Variants in CSMD1 observed in about 807,000 individuals in gnomAD.
CSMD1 encodes CUB and Sushi multiple domains 1, also known as CUB and sushi domain-containing protein 1.
In CSMD1, 213 loss-of-function variants were observed where a neutral mutation model predicts 417.5. That is an observed-to-expected ratio of 0.51 (90% CI 0.46 to 0.57). The LOEUF is 0.57. Ranked by LOEUF, CSMD1 falls within the 20% of genes least tolerant of loss-of-function variation. CSMD1 has a pLI of 0.00. For missense variants in CSMD1, 6,923 were observed against 4,529.7 expected, an observed-to-expected ratio of 1.53 and a Z score of -15.17; for synonymous variants, 2,862 against 1,736.8, an observed-to-expected ratio of 1.65 and a Z score of -16.11.
chr8:3,560,183 G>C (rs1356194698), intron 10 of CSMD1, among the ~76,000 whole-genome samples: 1 of 152,114 alleles, frequency 6.6e-6, no homozygotes, highest in Non-Finnish European at 1.5e-5. Context: ...AAGAGCCCTT[G>C]AAATAATGGA....
intron 52 of CSMD1, among the ~76,000 whole-genome samples, chr8:3,014,559 C>G (rs887498276): frequency 6.6e-6 from 1 of 152,096 alleles, no homozygotes; most frequent in African/African-American, 2.4e-5. Flanking sequence ...TTCTCCTGGG[C>G]AGGAGACACA....
At chr8:3,114,491 G>A (rs531261619) in intron 42 of CSMD1, among the ~76,000 whole-genome samples, 38 of 150,580 alleles carry the variant, frequency 2.5e-4, no homozygotes, top group Middle Eastern at 3.5e-3. Context: ...TCAATATATC[G>A]AAGATACTGA....
intron 6 of CSMD1, among the ~76,000 whole-genome samples, chr8:3,726,985 T>C (rs1321767946): frequency 1.3e-5 from 2 of 152,190 alleles, no homozygotes; most frequent in Non-Finnish European, 2.9e-5. Context: ...ATACCACCAG[T>C]AAACACTGTG....
chr8:4,346,190 A>G (rs1383138020), intron 3 of CSMD1, among the ~76,000 whole-genome samples: 1 of 152,158 alleles, frequency 6.6e-6, no homozygotes, highest in Non-Finnish European at 1.5e-5. Flanking sequence ...TGGCCTGCTA[A>G]TTTATCTGGA....
chr8:3,887,746 A>G (rs933739107), intron 5 of CSMD1, among the ~76,000 whole-genome samples: 1 of 152,234 alleles, frequency 6.6e-6, no homozygotes, highest in Non-Finnish European at 1.5e-5. Flanking sequence ...AAAAACTCAG[A>G]TTACTGTAAT....
chr8:4,720,070 C>G (rs1275851380), intron 1 of CSMD1, among the ~76,000 whole-genome samples: 1 of 151,814 alleles, frequency 6.6e-6, no homozygotes, highest in Non-Finnish European at 1.5e-5. Context: ...GAGGCTTTTT[C>G]TAAATGAAAT....
Position 2,998,116 on chromosome 8 carries a change from C to T in CSMD1, c.8272G>A (p.Asp2758Asn), listed in dbSNP as rs886418688. The change falls in exon 54 of 70, where the codon GAT becomes AAT. Residue 2758 changes from aspartate to asparagine, a missense_variant. Coordinates refer to ENST00000635120, the MANE Select transcript of CSMD1 (RefSeq NM_033225.6). ...GTGTTGCAGGTGAAATTCACGACAT[C>T]ATTCAGGTTGAACTCACTGCCATTA... is the stretch of plus-strand genomic sequence containing the variant. ...FTNGSEFNLN[D>N]VVNFTCNTGY... The T allele has an allele frequency of 6.2e-7, 1 of 1,614,044 alleles. No homozygotes were observed. Among genetic ancestry groups the T allele is most frequent in the African/African-American group, 1.3e-5 (1 of 75,062 alleles).
At chr8:4,189,752 A>C (rs1169180974) in intron 3 of CSMD1, among the ~76,000 whole-genome samples, 1 of 152,168 alleles carries the variant, frequency 6.6e-6, no homozygotes, top group Non-Finnish European at 1.5e-5. Context: ...AAATCTTGAT[A>C]AATTATGAAG....
At chr8:4,960,097 A>G (rs1809379521) in intron 1 of CSMD1, among the ~76,000 whole-genome samples, 1 of 152,168 alleles carries the variant, frequency 6.6e-6, no homozygotes, top group Non-Finnish European at 1.5e-5. Context: ...TTGCCAAATA[A>G]TGAATACATT....
rs970870227 is a variant in CSMD1 at position 3,480,265 on chromosome 8, G to C, written c.1449-11441C>G. ...TAGTCCCTACTACTCAGGAGGTTGA[G>C]GCAGAAGAATTGCTTGAACCCAGGA... On this transcript the variant is annotated intron_variant, in intron 11 of 69. Coordinates refer to ENST00000635120, the MANE Select transcript of CSMD1 (RefSeq NM_033225.6). Among the ~76,000 whole-genome samples, 90 of 152,176 alleles carry C rather than the reference G, an allele frequency of 5.9e-4. 2 individuals are homozygous for C. Among genetic ancestry groups the C allele is most frequent in the Non-Finnish European group, 2.2e-4 (15 of 68,046 alleles).
chr8:3,243,392 G>C (rs945503253), intron 26 of CSMD1, among the ~76,000 whole-genome samples: 3 of 151,944 alleles, frequency 2.0e-5, no homozygotes, highest in Non-Finnish European at 4.4e-5. Flanking sequence ...TTTCACCTGG[G>C]TGCAGGTGGG....
chr8:3,231,559 T>C (rs1019215483), intron 26 of CSMD1, among the ~76,000 whole-genome samples: 13 of 152,160 alleles, frequency 8.5e-5, no homozygotes, highest in Non-Finnish European at 1.9e-4. Flanking sequence ...ATAAAATCCA[T>C]TTAAATAAAA....
In CSMD1 at chr8:3,367,974, G is replaced by C. The variant is rs959445905; in HGVS notation, c.2900-727C>G. On this transcript the variant is annotated intron_variant, in intron 19 of 69. Coordinates refer to ENST00000635120, the MANE Select transcript of CSMD1 (RefSeq NM_033225.6). ...CTTATTTGGAGGTCTGCATAACCGA[G>C]GAAAAACTTCCTTAAAAATGTAGTT... Among the ~76,000 whole-genome samples the C allele has an allele frequency of 4.6e-5, 7 of 151,960 alleles. No individual in the cohort carries two copies. The East Asian group carries it at 7.7e-4, about 17-fold the overall frequency.
At chr8:4,166,710 A>C (rs138656717) in intron 3 of CSMD1, among the ~76,000 whole-genome samples, 10 of 152,278 alleles carry the variant, frequency 6.6e-5, no homozygotes, top group Admixed American at 2.0e-4. Flanking sequence ...TCTAAAGAAC[A>C]TATCTATGTA....
chr8:3,924,326 C>G (rs1809487764), intron 5 of CSMD1, among the ~76,000 whole-genome samples: 1 of 152,158 alleles, frequency 6.6e-6, no homozygotes, highest in Non-Finnish European at 1.5e-5. Context: ...TGACTTTTGA[C>G]AGTTTAAAGT....
intron 1 of CSMD1, among the ~76,000 whole-genome samples, chr8:4,863,980 T>C (rs1242311013): frequency 2.0e-5 from 3 of 152,200 alleles, no homozygotes; most frequent in Admixed American, 2.0e-4. Flanking sequence ...AAATGATTCA[T>C]ATTTTATTCA....
intron 1 of CSMD1, among the ~76,000 whole-genome samples, chr8:4,875,971 T>G (rs1027311716): frequency 6.6e-6 from 1 of 152,146 alleles, no homozygotes; most frequent in African/African-American, 2.4e-5. Context: ...TTTCACATTT[T>G]CTTATGAACA....
At chr8:4,696,039 A>G (rs1007105591) in intron 1 of CSMD1, among the ~76,000 whole-genome samples, 1 of 152,234 alleles carries the variant, frequency 6.6e-6, no homozygotes, top group African/African-American at 2.4e-5. Flanking sequence ...AGGAACTTAC[A>G]GAATCTCTAT....
At chr8:3,391,553 G>A (rs1262494723) in intron 17 of CSMD1, among the ~76,000 whole-genome samples, 1 of 152,152 alleles carries the variant, frequency 6.6e-6, no homozygotes, top group African/African-American at 2.4e-5. Flanking sequence ...TGGCTAGACT[G>A]TCGCTGGACA....
Sources: allele counts gnomAD v4.1 joint callset (sites outside exome capture counted in the v4.1 genomes callset), GRCh38; gene constraint gnomAD v4.1.1; transcripts MANE v1.5; gene names NCBI Gene and HGNC (gene_info 2026-07-23, HGNC 2026-07-21).